The following ARSB variants were observed in gnomAD, a reference collection of about 807,000 sequenced individuals.
The protein encoded by ARSB is N-acetylgalactosamine-4-sulfatase.
A neutral mutation model predicts 50.9 loss-of-function variants in ARSB; 41 were observed. That is an observed-to-expected ratio of 0.81 (90% CI 0.63 to 1.04). The LOEUF (loss-of-function observed/expected upper bound fraction) is 1.04, where lower values mean the gene tolerates loss of function less well. Among genes scored for constraint, ARSB ranks in the 50% least tolerant of loss-of-function variants. The probability of loss-of-function intolerance (pLI) is 0.00; values close to 1 mark genes in which losing one functional copy is unlikely to be tolerated. For synonymous variants in ARSB, 269 were observed against 284.8 expected, an observed-to-expected ratio of 0.94 and a Z score of 0.56; for missense variants, 672 against 693.3, an observed-to-expected ratio of 0.97 and a Z score of 0.35.
chr5:78,797,558 C>T (rs1743230161), intron 6 of ARSB, among the ~76,000 whole-genome samples: 1 of 152,186 alleles, frequency 6.6e-6, no homozygotes, highest in Non-Finnish European at 1.5e-5. Context: ...TGGCCTTGGC[C>T]ATCAAAACAG....
chr5:78,962,770 GT>G (rs1370312964), intron 3 of ARSB, among the ~76,000 whole-genome samples: 1 of 152,070 alleles, frequency 6.6e-6, no homozygotes, highest in African/African-American at 2.4e-5. Context: ...ACATTTGATA[GT>G]GTAAATATAA....
intron 1 of ARSB, among the ~76,000 whole-genome samples, chr5:78,980,641 C>T (rs1032949039): frequency 2.0e-5 from 3 of 151,630 alleles, no homozygotes; most frequent in Non-Finnish European, 4.4e-5. Flanking sequence ...ACCATTCATA[C>T]AGAAAAAAGA....
At chr5:78,823,957 G>GC (rs998779880) in intron 6 of ARSB, among the ~76,000 whole-genome samples, 4 of 152,106 alleles carry the variant, frequency 2.6e-5, no homozygotes, top group African/African-American at 9.7e-5. Context: ...AATGTTGGAG[G>GC]GGGGGCACAG....
chr5:78,837,944 C>T (rs1231982256), intron 6 of ARSB, among the ~76,000 whole-genome samples: 1 of 152,190 alleles, frequency 6.6e-6, no homozygotes, highest in East Asian at 1.9e-4. Flanking sequence ...TAGCCATTCT[C>T]GCCTGTCTCA....
chr5:78,926,366 T>G (rs1423982027), intron 4 of ARSB, among the ~76,000 whole-genome samples: 3 of 152,186 alleles, frequency 2.0e-5, no homozygotes, highest in Non-Finnish European at 4.4e-5. Context: ...ATGATCGTGG[T>G]TCCTGTCCAA....
chr5:78,933,108 T>C (rs10039309), intron 4 of ARSB, among the ~76,000 whole-genome samples: 2,783 of 152,320 alleles, frequency 0.018, 31 homozygotes, highest in Non-Finnish European at 0.028. Context: ...GGAACTTTTA[T>C]ATGTGCGTAA....
chr5:78,810,745 G>A (rs1743777499), intron 6 of ARSB, among the ~76,000 whole-genome samples: 1 of 152,202 alleles, frequency 6.6e-6, no homozygotes, highest in Non-Finnish European at 1.5e-5. Context: ...AACATCTTTA[G>A]GATCTGTAGT....
chr5:78,895,288 T>C (rs933760159), intron 4 of ARSB, among the ~76,000 whole-genome samples: 6 of 152,218 alleles, frequency 3.9e-5, no homozygotes, highest in Non-Finnish European at 7.3e-5. Flanking sequence ...ATTGTAAAAG[T>C]AGACCACAAA....
chr5:78,856,091 A>G (rs1389240346), intron 5 of ARSB, among the ~76,000 whole-genome samples: 1 of 152,214 alleles, frequency 6.6e-6, no homozygotes, highest in Non-Finnish European at 1.5e-5. Context: ...ATTCTTCTGC[A>G]TGTGGGTAGC....
chr5:78,973,969 C>T, intron 1 of ARSB, among the ~76,000 whole-genome samples: 1 of 152,156 alleles, frequency 6.6e-6, no homozygotes, highest in South Asian at 2.1e-4. Flanking sequence ...ACCAGAGAGC[C>T]TATGGGAAGC....
intron 6 of ARSB, among the ~76,000 whole-genome samples, chr5:78,800,309 C>A (rs1278475432): frequency 1.4e-5 from 2 of 145,314 alleles, no homozygotes; most frequent in African/African-American, 5.4e-5. Flanking sequence ...CAGAGCAAGA[C>A]TCCATCTCAA....
chr5:78,940,466 G>C (rs1361086085), intron 4 of ARSB, among the ~76,000 whole-genome samples: 1 of 152,144 alleles, frequency 6.6e-6, no homozygotes, highest in Non-Finnish European at 1.5e-5. Context: ...TTTGTATAAG[G>C]TGTAAGGAAA....
At chr5:78,888,866 G>C (rs2112224741) in intron 4 of ARSB, among the ~76,000 whole-genome samples, 1 of 152,346 alleles carries the variant, frequency 6.6e-6, no homozygotes, top group East Asian at 1.9e-4. Context: ...GTGATGTTTT[G>C]CCATTAGCAA....
chr5:78,859,086 C>T (rs62377552), intron 5 of ARSB, among the ~76,000 whole-genome samples: 11,422 of 152,182 alleles, frequency 0.075, 661 homozygotes, highest in Non-Finnish European at 0.1. Flanking sequence ...GGACTTATTT[C>T]CTTTGTTAAG....
intron 4 of ARSB, among the ~76,000 whole-genome samples, chr5:78,922,585 C>G (rs1432787350): frequency 2.6e-5 from 4 of 151,802 alleles, no homozygotes; most frequent in Non-Finnish European, 5.9e-5. Flanking sequence ...GAACGGGATT[C>G]AGAGCCAGGC....
chr5:78,936,210 C>T lies in ARSB; in HGVS notation c.898+19085G>A, dbSNP rs569003777. ...CGCTATCTCAGCTCACTGCAACCTC[C>T]GCCTCCCGGGTTCAAGCGATTCTCC... On this transcript the variant is annotated intron_variant, in intron 4 of 7. Coordinates refer to ENST00000264914, the MANE Select transcript of ARSB (RefSeq NM_000046.5). Among the ~76,000 whole-genome samples the T allele has an allele frequency of 1.3e-3, 197 of 148,162 alleles. 1 individual carries two copies. The highest frequency in any genetic ancestry group is 4.8e-3 in the African/African-American group (192 of 39,874).
In ARSB at chr5:78,841,162, C is replaced by CTAATAA. The variant is rs1427792909; in HGVS notation, c.1143-1737_1143-1736insTTATTA. On this transcript the variant is annotated intron_variant, in intron 5 of 7. Coordinates refer to ENST00000264914, the MANE Select transcript of ARSB (RefSeq NM_000046.5). Reference sequence around the variant, plus strand: ...ACTACTACTACTACTACTACTACTACTACTACTAATAATAATAATAATTTG... The same window carrying CTAATAA: ...ACTACTACTACTACTACTACTACTACTAATAATACTACTAATAATAATAATAATTTG... 6.5e-3 allele frequency among the ~76,000 whole-genome samples: 634 copies of CTAATAA among 97,630 alleles called. 9 individuals carry two copies. The highest frequency in any genetic ancestry group is 0.02 in the African/African-American group (557 of 28,254). 64.0% of individuals were successfully genotyped at this position (97,630 alleles called of 152,430 possible).
At chr5:78,794,553 C>A (rs180836381) in intron 6 of ARSB, among the ~76,000 whole-genome samples, 4 of 151,722 alleles carry the variant, frequency 2.6e-5, no homozygotes, top group Admixed American at 6.6e-5. Flanking sequence ...AAAAAGAAAA[C>A]AGAAAACAAA....
At chr5:78,904,306 A>G (rs1407986609) in intron 4 of ARSB, among the ~76,000 whole-genome samples, 3 of 152,020 alleles carry the variant, frequency 2.0e-5, no homozygotes, top group African/African-American at 7.2e-5. Context: ...ATATATGGGT[A>G]TTGTTTTTTG....
Sources: allele counts gnomAD v4.1 joint callset (sites outside exome capture counted in the v4.1 genomes callset), GRCh38; gene constraint gnomAD v4.1.1; transcripts MANE v1.5; gene names NCBI Gene and HGNC (gene_info 2026-07-23, HGNC 2026-07-21).